The following RALGPS1 variants were observed in gnomAD, a reference collection of about 807,000 sequenced individuals.
The protein encoded by RALGPS1 is Ral GEF with PH domain and SH3 binding motif 1.
A neutral mutation model predicts 78.8 loss-of-function variants in RALGPS1; 19 were observed. The observed-to-expected ratio is 0.24, with a 90% CI of 0.17 to 0.35. The LOEUF (loss-of-function observed/expected upper bound fraction) is 0.35. RALGPS1 is among the 10% of genes least tolerant of loss of function. RALGPS1 has a pLI of 1.00. For synonymous variants in RALGPS1, 228 were observed against 256.3 expected (o/e 0.89, Z 1.06); for missense variants, 454 against 688.3 (o/e 0.66, Z 3.81).
At chr9:126,959,593 CTTTT>C (rs11296664) in intron 1 of RALGPS1, among the ~76,000 whole-genome samples, 1 of 144,172 alleles carries the variant, frequency 6.9e-6, no homozygotes, top group Non-Finnish European at 1.5e-5. Flanking sequence ...CTGACCAGTT[CTTTT>C]TTTTTTTTTT....
Position 127,212,307 on chromosome 9 carries a change from G to C in RALGPS1, c.1353+71G>C, listed in dbSNP as rs2062310830. On this transcript the variant is annotated intron_variant, in intron 15 of 18. Coordinates refer to ENST00000259351, the MANE Select transcript of RALGPS1 (RefSeq NM_014636.3). The surrounding 1 kb of genome is among the most constrained non-coding windows in gnomAD (Gnocchi z 6.0). ...CTGTAAATAGTGCCCACTCCTAGAG[G>C]TCTCAGCAAAAGTCACATGCATGGC... 1.8e-5 allele frequency: 22 copies of C among 1,221,930 alleles called. No individual in the cohort carries two copies. The highest frequency in any genetic ancestry group is 2.4e-5 in the Non-Finnish European group (21 of 870,060). The allele number at this position is 1,221,930 out of a possible 1,614,324, so 75.7% of individuals were successfully genotyped here.
intron 1 of RALGPS1, among the ~76,000 whole-genome samples, chr9:126,938,126 C>G (rs546493): frequency 0.59 from 89,177 of 152,104 alleles, 30,215 homozygotes; most frequent in East Asian, 0.81. Flanking sequence ...TGCAAAACGT[C>G]GTACATACAA....
intron 3 of RALGPS1, 104 bp from the exon 4 acceptor site, chr9:126,977,591 G>A: frequency 1.4e-6 from 1 of 696,168 alleles, no homozygotes; most frequent in African/African-American, 1.8e-5. Context: ...TTATCTCAAA[G>A]GGGAAAGTAT....
intron 4 of RALGPS1, among the ~76,000 whole-genome samples, chr9:126,991,770 A>G (rs2133225410): frequency 6.6e-6 from 1 of 152,346 alleles, no homozygotes; most frequent in Admixed American, 6.5e-5. Context: ...ATGATGGTTA[A>G]GAAGATTGTG....
chr9:127,199,264 C>A (rs1363922194), intron 14 of RALGPS1, among the ~76,000 whole-genome samples, 198 bp downstream of exon 14: 1 of 152,130 alleles, frequency 6.6e-6, no homozygotes, highest in Non-Finnish European at 1.5e-5. Context: ...GGGCCCCAGC[C>A]CCCATGCTCT....
At chr9:126,980,236 G>A (rs947755411) in intron 4 of RALGPS1, among the ~76,000 whole-genome samples, 2 of 152,186 alleles carry the variant, frequency 1.3e-5, no homozygotes, top group African/African-American at 4.8e-5. Flanking sequence ...CCCAGAGTTG[G>A]AAGGGCATGA....
intron 8 of RALGPS1, among the ~76,000 whole-genome samples, chr9:127,131,041 T>C (rs1052486170): frequency 3.3e-5 from 5 of 152,376 alleles, no homozygotes; most frequent in Non-Finnish European, 7.3e-5. Flanking sequence ...CTCGCCTCCA[T>C]AAACTTGGCT....
Position 127,034,426 on chromosome 9 carries a change from C to T in RALGPS1, c.217-5C>T. On this transcript the variant is annotated splice_region_variant and splice_polypyrimidine_tract_variant and intron_variant, in intron 4 of 18. Coordinates refer to ENST00000259351, the MANE Select transcript of RALGPS1 (RefSeq NM_014636.3). Reference sequence around the variant, plus strand: ...CACTGTTGAAATTCATTCTGTGCTTCCTAGGAACTAGCCAGCTGTGGATGG... The same window carrying T: ...CACTGTTGAAATTCATTCTGTGCTTTCTAGGAACTAGCCAGCTGTGGATGG... 6.2e-7 allele frequency: 1 copy of T among 1,613,422 alleles called. No homozygotes were observed. Among genetic ancestry groups the T allele is most frequent in the Non-Finnish European group, 8.5e-7 (1 of 1,179,468 alleles).
At chr9:127,009,551 T>G (rs754431515) in intron 4 of RALGPS1, among the ~76,000 whole-genome samples, 8 of 152,356 alleles carry the variant, frequency 5.3e-5, no homozygotes, top group African/African-American at 1.9e-4. Flanking sequence ...TGTGTTTCTT[T>G]GATCTAGGCC....
intron 7 of RALGPS1, among the ~76,000 whole-genome samples, chr9:127,068,719 TAGC>T (rs1230894876): frequency 6.6e-6 from 1 of 152,184 alleles, no homozygotes; most frequent in African/African-American, 2.4e-5. Flanking sequence ...TGGCACTGTA[TAGC>T]AGCAGCAGCA....
chr9:127,081,893 C>T (rs955971432), intron 8 of RALGPS1, among the ~76,000 whole-genome samples: 1 of 152,250 alleles, frequency 6.6e-6, no homozygotes, highest in Non-Finnish European at 1.5e-5. Context: ...GGGAATGCCA[C>T]GCAGATGGGA....
intron 4 of RALGPS1, among the ~76,000 whole-genome samples, chr9:127,002,334 TTGTA>T (rs1430376124): frequency 1.3e-5 from 2 of 152,142 alleles, no homozygotes; most frequent in Non-Finnish European, 2.9e-5. Flanking sequence ...ATTCCATTCA[TTGTA>T]TGAGTAGATC....
At chr9:127,001,286 CAAA>C (rs58413062) in intron 4 of RALGPS1, among the ~76,000 whole-genome samples, 4 of 97,394 alleles carry the variant, frequency 4.1e-5, no homozygotes, top group Non-Finnish European at 4.4e-5. Context: ...GACTCTGTCT[CAAA>C]AAAAAAAAAA....
intron 7 of RALGPS1, among the ~76,000 whole-genome samples, chr9:127,062,389 C>T (rs533443710): frequency 1.2e-4 from 18 of 152,276 alleles, no homozygotes; most frequent in Non-Finnish European, 2.4e-4. Context: ...TGAGCTGCCG[C>T]GCCCGGCCAA....
chr9:127,104,646 C>G (rs894594428), intron 8 of RALGPS1, among the ~76,000 whole-genome samples: 1 of 152,212 alleles, frequency 6.6e-6, no homozygotes, highest in African/African-American at 2.4e-5. Context: ...CTGGGACCAC[C>G]CTGTTACTGT....
intron 5 of RALGPS1, among the ~76,000 whole-genome samples, chr9:127,046,989 T>TTAA (rs2047853654): frequency 1.4e-5 from 2 of 147,614 alleles, no homozygotes; most frequent in Admixed American, 1.3e-4. Flanking sequence ...TCGAATTAGT[T>TTAA]AAAAAAAAAA....
At chr9:127,012,579 G>A (rs1448718244) in intron 4 of RALGPS1, among the ~76,000 whole-genome samples, 5 of 152,228 alleles carry the variant, frequency 3.3e-5, no homozygotes, top group African/African-American at 4.8e-5. Context: ...CTGCTGTTCC[G>A]ACGTGGAGGT....
intron 5 of RALGPS1, among the ~76,000 whole-genome samples, 173 bp downstream of exon 5, chr9:127,034,687 C>T (rs1264113372): frequency 6.6e-6 from 1 of 152,160 alleles, no homozygotes; most frequent in Non-Finnish European, 1.5e-5. Flanking sequence ...TCCATTTTCA[C>T]AGAGCAGGTG....
At chr9:127,021,160 G>A (rs1220655937) in intron 4 of RALGPS1, among the ~76,000 whole-genome samples, 1 of 152,152 alleles carries the variant, frequency 6.6e-6, no homozygotes, top group Non-Finnish European at 1.5e-5. Flanking sequence ...CGCTTAGGCA[G>A]GAGGATTGCT....
Sources: gnomAD v4.1 joint callset for allele counts (sites outside exome capture counted in the v4.1 genomes callset) on GRCh38, gnomAD v4.1.1 for gene constraint, Gnocchi (gnomAD v3.1) non-coding constraint, MANE v1.5 for transcripts, NCBI Gene and HGNC (gene_info 2026-07-23, HGNC 2026-07-21) for gene names.